Variants in BFSP2 observed in about 807,000 individuals in gnomAD.
The protein encoded by BFSP2 is phakinin.
Under a neutral mutation model 44.9 loss-of-function variants are expected in BFSP2, and 38 were observed. That is an observed-to-expected ratio of 0.85 (90% CI 0.65 to 1.11). The LOEUF is 1.11. BFSP2 is among the 50% of genes least tolerant of loss of function. BFSP2 has a pLI of 0.00. For missense variants in BFSP2, 525 were observed against 533.0 expected (o/e 0.99, Z 0.15); for synonymous variants, 197 against 209.9 (o/e 0.94, Z 0.53).
chr3:133,466,160 C>A (rs987791866), intron 4 of BFSP2, among the ~76,000 whole-genome samples: 2 of 117,426 alleles, frequency 1.7e-5, no homozygotes, highest in Non-Finnish European at 3.8e-5. Context: ...CTTTAAGTAC[C>A]AAAGCACGGG....
chr3:133,457,536 A>G (rs988140555), intron 4 of BFSP2, among the ~76,000 whole-genome samples: 12 of 152,182 alleles, frequency 7.9e-5, no homozygotes, highest in Non-Finnish European at 1.0e-4. Context: ...CATTTTACCC[A>G]TATACAAAGA....
At chr3:133,422,597 A>G (rs1456670286) in intron 1 of BFSP2, among the ~76,000 whole-genome samples, 1 of 152,180 alleles carries the variant, frequency 6.6e-6, no homozygotes, top group Non-Finnish European at 1.5e-5. Flanking sequence ...TGAAGCCTAT[A>G]GAAGAGAGGC....
chr3:133,459,531 A>C (rs2107934512), intron 4 of BFSP2, among the ~76,000 whole-genome samples: 1 of 152,280 alleles, frequency 6.6e-6, no homozygotes. Context: ...CTACACTCAA[A>C]CAGCAGCTTC....
intron 1 of BFSP2, chr3:133,412,271 T>C (rs972580949): frequency 6.6e-6 from 1 of 152,306 alleles, no homozygotes; most frequent in East Asian, 1.9e-4. Context: ...ACATTTGAAA[T>C]TTTTGTAAAA....
intron 1 of BFSP2, among the ~76,000 whole-genome samples, chr3:133,433,148 A>G (rs1294458790): frequency 6.6e-6 from 1 of 152,050 alleles, no homozygotes; most frequent in Non-Finnish European, 1.5e-5. Flanking sequence ...GGCCTCCCAC[A>G]TTATTCCTGA....
chr3:133,410,336 G>T, intron 1 of BFSP2: 1 of 353,232 alleles, frequency 2.8e-6, no homozygotes. Flanking sequence ...GGCACTAACA[G>T]TCGTGGCCAG....
chr3:133,428,844 C>T (rs920113390), intron 1 of BFSP2, among the ~76,000 whole-genome samples: 16 of 152,194 alleles, frequency 1.1e-4, no homozygotes, highest in Non-Finnish European at 2.1e-4. Context: ...CAAACTTGTC[C>T]CAGCCAGTCT....
At chr3:133,431,150 C>A (rs1252898782) in intron 1 of BFSP2, among the ~76,000 whole-genome samples, 5 of 152,264 alleles carry the variant, frequency 3.3e-5, no homozygotes, top group Admixed American at 3.3e-4. Context: ...GTCTTATTCT[C>A]AATATACATT....
At chr3:133,448,222 G>A (rs897284479) in intron 2 of BFSP2, among the ~76,000 whole-genome samples, 13 of 152,210 alleles carry the variant, frequency 8.5e-5, no homozygotes, top group African/African-American at 3.1e-4. Flanking sequence ...CTGAACTCCT[G>A]AGTTTTCCCT....
chr3:133,436,325 C>CAA (rs57060416), intron 1 of BFSP2, among the ~76,000 whole-genome samples: 11,757 of 77,826 alleles, frequency 0.15, 823 homozygotes, highest in Middle Eastern at 0.23. Flanking sequence ...GACTCTGTCT[C>CAA]AAAAAAAAAA....
At chr3:133,465,317 G>A (rs199759968) in intron 4 of BFSP2, among the ~76,000 whole-genome samples, 3 of 152,084 alleles carry the variant, frequency 2.0e-5, no homozygotes, top group Non-Finnish European at 2.9e-5. Context: ...TTGACTTGGG[G>A]TTTCTAGCCA....
At chr3:133,431,321 T>A (rs928755106) in intron 1 of BFSP2, among the ~76,000 whole-genome samples, 5 of 152,056 alleles carry the variant, frequency 3.3e-5, no homozygotes, top group Non-Finnish European at 5.9e-5. Context: ...CCCAGCCACA[T>A]CTCCAGCACA....
At chr3:133,405,715 G>GT (rs1477466598) in intron 1 of BFSP2, among the ~76,000 whole-genome samples, 2 of 152,214 alleles carry the variant, frequency 1.3e-5, no homozygotes, top group African/African-American at 4.8e-5. Flanking sequence ...AGTGCAATTT[G>GT]TTTGGTCAGA....
At chr3:133,466,589 C>T (rs369403227) in intron 4 of BFSP2, among the ~76,000 whole-genome samples, 5 of 147,674 alleles carry the variant, frequency 3.4e-5, no homozygotes, top group Admixed American at 1.4e-4. Context: ...GCAGGAGAAT[C>T]GCTTGAACCC....
intron 1 of BFSP2, among the ~76,000 whole-genome samples, chr3:133,427,153 G>T (rs1371588476): frequency 6.6e-6 from 1 of 152,234 alleles, no homozygotes; most frequent in African/African-American, 2.4e-5. Flanking sequence ...TCCCAGCCAT[G>T]CTGGTTTTAT....
At chr3:133,411,695 G>A (rs552083746) in intron 1 of BFSP2, among the ~76,000 whole-genome samples, 2 of 136,340 alleles carry the variant, frequency 1.5e-5, no homozygotes, top group South Asian at 5.3e-4. Context: ...AGGGAAGGGT[G>A]GACTTTTTAA....
chr3:133,449,060 T>C (rs2073931748), intron 3 of BFSP2: 1 of 214,322 alleles, frequency 4.7e-6, no homozygotes, highest in African/African-American at 2.3e-5. Context: ...GGTCAGATTA[T>C]TGAGTGACAG....
intron 4 of BFSP2, among the ~76,000 whole-genome samples, chr3:133,461,101 T>C (rs1251316944): frequency 6.6e-6 from 1 of 152,198 alleles, no homozygotes; most frequent in Admixed American, 6.5e-5. Context: ...TTCTGTCAGT[T>C]CTGGGTCATT....
intron 5 of BFSP2, among the ~76,000 whole-genome samples, chr3:133,470,098 C>T (rs1434309211): frequency 6.6e-6 from 1 of 152,204 alleles, no homozygotes; most frequent in Non-Finnish European, 1.5e-5. Flanking sequence ...ATTTCTGCAT[C>T]CTCACTGCTA....
Sources: allele counts gnomAD v4.1 joint callset (sites outside exome capture counted in the v4.1 genomes callset), GRCh38; gene constraint gnomAD v4.1.1; transcripts MANE v1.5; gene names NCBI Gene and HGNC (gene_info 2026-07-23, HGNC 2026-07-21).